Variants in ASTN2 observed in about 807,000 individuals in gnomAD.
ASTN2 encodes the protein astrotactin-2.
In ASTN2, 54 loss-of-function variants were observed where a neutral mutation model predicts 139.8. The ratio of observed to expected loss-of-function variants is 0.39; its 90% CI spans 0.31 to 0.48. The LOEUF (loss-of-function observed/expected upper bound fraction) is 0.48. ASTN2 is among the 20% of genes least tolerant of loss of function. The pLI, the probability that ASTN2 is intolerant of heterozygous loss-of-function variation, is 0.95. For missense variants in ASTN2, 1,565 were observed against 1,725.1 expected, an observed-to-expected ratio of 0.91 and a Z score of 1.64; for synonymous variants, 756 against 719.5, an observed-to-expected ratio of 1.05 and a Z score of -0.81.
chr9:116,945,535 G>A (rs1464428286), intron 10 of ASTN2, among the ~76,000 whole-genome samples: 1 of 152,052 alleles, frequency 6.6e-6, no homozygotes, highest in East Asian at 1.9e-4. Flanking sequence ...TTGCCTTTTA[G>A]CACTCTAGCC....
In ASTN2 at chr9:116,791,035, G is replaced by GA. The variant is rs1564269213; in HGVS notation, c.2396+14596dup. 1.8e-3 allele frequency among the ~76,000 whole-genome samples: 176 copies of GA among 98,158 alleles called. 2 individuals carry two copies. The highest frequency in any genetic ancestry group is 9.3e-3 in the East Asian group (12 of 1,290). The allele number at this position is 98,158 out of a possible 152,430, so 64.4% of individuals were successfully genotyped here. Reference sequence around the variant, plus strand: ...AGAAAGAAAGAAAGAAAGAAAGAAAGAAAGAAAGAAAAGAAAAGAAAGAAA... The same window carrying GA: ...AGAAAGAAAGAAAGAAAGAAAGAAAGAAAAGAAAGAAAAGAAAAGAAAGAAA... On this transcript the variant is annotated intron_variant, in intron 13 of 22. Coordinates refer to ENST00000313400, the MANE Select transcript of ASTN2 (RefSeq NM_001365068.1).
intron 11 of ASTN2, among the ~76,000 whole-genome samples, chr9:116,850,355 G>C (rs553124510): frequency 9.2e-5 from 14 of 152,186 alleles, no homozygotes; most frequent in Admixed American, 2.0e-4. Flanking sequence ...GTACATATGA[G>C]AACACAGATA....
intron 4 of ASTN2, among the ~76,000 whole-genome samples, chr9:117,113,226 TC>T (rs1829293014): frequency 6.6e-6 from 1 of 152,202 alleles, no homozygotes; most frequent in African/African-American, 2.4e-5. Context: ...GATATCCCAT[TC>T]CTAGTTACAC....
intron 13 of ASTN2, among the ~76,000 whole-genome samples, chr9:116,778,364 A>G (rs976948394): frequency 2.0e-5 from 3 of 151,196 alleles, no homozygotes; most frequent in South Asian, 2.1e-4. Context: ...AAATTTGGTC[A>G]TGTCTTTACT....
chr9:117,243,747 ACCCCTC>A (rs1327696557), intron 2 of ASTN2, among the ~76,000 whole-genome samples: 1 of 152,008 alleles, frequency 6.6e-6, no homozygotes, highest in Non-Finnish European at 1.5e-5. Context: ...TAACCCCGCC[ACCCCTC>A]CCCATGATGT....
At chr9:117,335,521 A>C (rs1226779716) in intron 1 of ASTN2, among the ~76,000 whole-genome samples, 1 of 152,316 alleles carries the variant, frequency 6.6e-6, no homozygotes, top group Middle Eastern at 3.4e-3. Flanking sequence ...GATTGTCAAG[A>C]GTTGGCCTTG....
chr9:116,989,109 T>C (rs1363079223), intron 7 of ASTN2, among the ~76,000 whole-genome samples: 1 of 152,198 alleles, frequency 6.6e-6, no homozygotes, highest in Non-Finnish European at 1.5e-5. Context: ...AAAAGGGTTC[T>C]TCACTCCACA....
At chr9:116,612,310 C>T (rs1369025677) in intron 19 of ASTN2, 1 of 152,124 alleles carries the variant, frequency 6.6e-6, no homozygotes, top group African/African-American at 2.4e-5. Flanking sequence ...TTAGATAGAT[C>T]AATGAGACAG....
chr9:116,558,414 TA>T lies in ASTN2; in HGVS notation c.3355+59909del, dbSNP rs1464546661. Among the ~76,000 whole-genome samples the T allele has an allele frequency of 2.0e-5, 3 of 152,164 alleles. No individual in the cohort carries two copies. The East Asian group carries it at 5.8e-4, about 29-fold the overall frequency. On this transcript the variant is annotated intron_variant, in intron 19 of 22. Transcript: ENST00000313400. ...GAGAAAAAGAAAAAAGTGATTTGCT[TA>T]AGGTAGTGCAGTCAGTGAGTGACTG...
chr9:117,162,145 A>G (rs1350114198), intron 3 of ASTN2, among the ~76,000 whole-genome samples: 1 of 152,060 alleles, frequency 6.6e-6, no homozygotes, highest in Non-Finnish European at 1.5e-5. Flanking sequence ...ACCAGTTAGT[A>G]AACTATTAAA....
chr9:116,766,408 A>G (rs1351910827), intron 13 of ASTN2, among the ~76,000 whole-genome samples: 12 of 151,964 alleles, frequency 7.9e-5, no homozygotes, highest in East Asian at 1.9e-4. Flanking sequence ...TCACACTCAT[A>G]CACACAAACA....
intron 16 of ASTN2, among the ~76,000 whole-genome samples, chr9:116,685,839 C>T (rs1026276863): frequency 4.6e-5 from 7 of 151,278 alleles, no homozygotes; most frequent in African/African-American, 1.7e-4. Flanking sequence ...TTTAACACTC[C>T]TCTGTAATTA....
At chr9:116,604,364 A>G (rs1485203039) in intron 19 of ASTN2, among the ~76,000 whole-genome samples, 3 of 152,210 alleles carry the variant, frequency 2.0e-5, no homozygotes, top group Non-Finnish European at 4.4e-5. Flanking sequence ...CTGGAGTGAC[A>G]GAAATATTTT....
intron 19 of ASTN2, among the ~76,000 whole-genome samples, chr9:116,551,392 C>T (rs1247486771): frequency 6.6e-6 from 1 of 152,184 alleles, no homozygotes; most frequent in African/African-American, 2.4e-5. Flanking sequence ...ATTCTGCCAT[C>T]ACCCATAATT....
chr9:116,711,911 A>C (rs964851327), intron 16 of ASTN2, among the ~76,000 whole-genome samples: 5 of 152,164 alleles, frequency 3.3e-5, no homozygotes, highest in Non-Finnish European at 7.3e-5. Flanking sequence ...AGCATCTCAC[A>C]TATACTTCCT....
At chr9:116,787,336 C>T (rs1830402851) in intron 13 of ASTN2, among the ~76,000 whole-genome samples, 1 of 152,138 alleles carries the variant, frequency 6.6e-6, no homozygotes, top group Non-Finnish European at 1.5e-5. Flanking sequence ...TTTCTCTGCC[C>T]CTTTAAGACA....
chr9:116,732,912 AC>A (rs1828827267), intron 14 of ASTN2, among the ~76,000 whole-genome samples: 1 of 152,082 alleles, frequency 6.6e-6, no homozygotes, highest in African/African-American at 2.4e-5. Flanking sequence ...TAAAAATAAT[AC>A]CCACCCCACA....
chr9:116,494,328 G>C (rs1374389761), intron 19 of ASTN2, among the ~76,000 whole-genome samples: 4 of 152,106 alleles, frequency 2.6e-5, no homozygotes, highest in African/African-American at 9.7e-5. Flanking sequence ...GGTGAGGATT[G>C]AGTAAGAGAA....
intron 13 of ASTN2, among the ~76,000 whole-genome samples, chr9:116,786,615 A>G (rs1362281221): frequency 6.6e-6 from 1 of 152,170 alleles, no homozygotes; most frequent in Admixed American, 6.6e-5. Context: ...AATGGGGGAT[A>G]GGGGAAAAGG....
Sources: allele counts gnomAD v4.1 joint callset (sites outside exome capture counted in the v4.1 genomes callset), GRCh38; gene constraint gnomAD v4.1.1; transcripts MANE v1.5; gene names NCBI Gene and HGNC (gene_info 2026-07-23, HGNC 2026-07-21).